ATF6: variants seen among roughly 807,000 people sequenced by gnomAD.
ATF6 encodes cyclic AMP-dependent transcription factor ATF-6 alpha.
ATF6 carries 53 observed loss-of-function variants against 83.6 expected under a neutral mutation model. The ratio of observed to expected loss-of-function variants is 0.63; its 90% CI spans 0.51 to 0.80. The LOEUF (loss-of-function observed/expected upper bound fraction) is 0.80, where lower values mean the gene tolerates loss of function less well. Ranked by LOEUF, ATF6 falls within the 30% of genes least tolerant of loss-of-function variation. The probability of loss-of-function intolerance (pLI) is 0.00; values close to 1 mark genes in which losing one functional copy is unlikely to be tolerated. For missense variants in ATF6, 744 were observed against 797.9 expected (o/e 0.93, Z 0.81); for synonymous variants, 288 against 285.8 (o/e 1.01, Z -0.08).
intron 4 of ATF6, among the ~76,000 whole-genome samples, chr1:161,791,106 C>CTG (rs565632055): frequency 0.28 from 33,592 of 120,422 alleles, 4,512 homozygotes; most frequent in Non-Finnish European, 0.35. Context: ...GTGTGTGTCT[C>CTG]TGTGTGTGTG....
chr1:161,866,106 A>T (rs1420968451), intron 14 of ATF6, among the ~76,000 whole-genome samples: 1 of 152,228 alleles, frequency 6.6e-6, no homozygotes, highest in African/African-American at 2.4e-5. Flanking sequence ...ATTATAATTG[A>T]TACTACATTG....
In ATF6 at chr1:161,831,300, T is replaced by C. The variant is rs546476759; in HGVS notation, c.1187+10139T>C. On this transcript the variant is annotated intron_variant, in intron 9 of 15. Transcript: ENST00000367942. The stretch of plus-strand genomic sequence containing the variant: ...CATTACAAAGTCAGGAAGCAACAGG[T>C]GCTGTAGAGGATGTGGAGAAATAGG... Among the ~76,000 whole-genome samples the C allele has an allele frequency of 4.6e-5, 7 of 152,118 alleles. No individual in the cohort carries two copies. The South Asian group carries it at 1.5e-3, about 32-fold the overall frequency.
intron 14 of ATF6, among the ~76,000 whole-genome samples, chr1:161,906,696 A>G (rs1358437872): frequency 6.6e-6 from 1 of 152,224 alleles, no homozygotes; most frequent in Non-Finnish European, 1.5e-5. Context: ...ACCTTGGCTC[A>G]TTCTTGGGCC....
Position 161,801,814 on chromosome 1 carries a change from T to C in ATF6, c.689-238T>C, listed in dbSNP as rs577753372. On this transcript the variant is annotated intron_variant, in intron 6 of 15. Transcript: ENST00000367942. The stretch of plus-strand genomic sequence containing the variant: ...TAGTTGAGAAAGATAAATAAGAAAG[T>C]ATATTAAAGTATATTGTTAATGATA... Among the ~76,000 whole-genome samples, 4 of 152,318 alleles carry C rather than the reference T, an allele frequency of 2.6e-5. No homozygotes were observed. In the South Asian group the frequency reaches 8.3e-4, roughly 32 times the overall value.
In ATF6 at chr1:161,827,859, A is replaced by G. The variant is rs563222459; in HGVS notation, c.1187+6698A>G. On this transcript the variant is annotated intron_variant, in intron 9 of 15. Transcript: ENST00000367942. ...AAAAAAAAATAAACTAAATGGACTT[A>G]TAAGGGTTAATTTTTCTGACCTTAT... Among the ~76,000 whole-genome samples the G allele has an allele frequency of 3.3e-5, 5 of 152,300 alleles. No individual in the cohort carries two copies. In the South Asian group the frequency reaches 1.0e-3, roughly 32 times the overall value.
rs150987171 is a variant in ATF6 at position 161,799,078 on chromosome 1, G to A, written c.689-2974G>A. ...TAAAGTAGAACTACCATTTGACCCA[G>A]CAGTCCCATTACTGGGTATATACCC... is the stretch of plus-strand genomic sequence containing the variant. On this transcript the variant is annotated intron_variant, in intron 6 of 15. Coordinates refer to ENST00000367942, the MANE Select transcript of ATF6 (RefSeq NM_007348.4). Among the ~76,000 whole-genome samples, 4 of 152,282 alleles carry A rather than the reference G, an allele frequency of 2.6e-5. 1 individual carries two copies. The East Asian group carries it at 7.7e-4, about 29-fold the overall frequency.
chr1:161,920,877 A>G (rs1404376181), intron 15 of ATF6, among the ~76,000 whole-genome samples: 1 of 152,200 alleles, frequency 6.6e-6, no homozygotes, highest in Non-Finnish European at 1.5e-5. Context: ...AACTGTGTCA[A>G]CTATTTAGGC....
chr1:161,857,194 CT>C (rs1028930393), intron 12 of ATF6, among the ~76,000 whole-genome samples: 7 of 152,060 alleles, frequency 4.6e-5, no homozygotes, highest in African/African-American at 1.7e-4. Context: ...TCATTTCAAC[CT>C]TTTTTTCTTC....
chr1:161,828,055 G>T (rs1417808174), intron 9 of ATF6, among the ~76,000 whole-genome samples: 3 of 151,952 alleles, frequency 2.0e-5, no homozygotes, highest in Non-Finnish European at 4.4e-5. Flanking sequence ...ACTCATTGGG[G>T]TTAATTCTAT....
At chr1:161,859,608 T>C (rs555624642) in intron 12 of ATF6, among the ~76,000 whole-genome samples, 1 of 152,322 alleles carries the variant, frequency 6.6e-6, no homozygotes, top group Admixed American at 6.5e-5. Context: ...AAAATCAGCT[T>C]ACATAACTAC....
intron 14 of ATF6, among the ~76,000 whole-genome samples, chr1:161,905,872 C>T (rs188133505): frequency 1.9e-4 from 29 of 152,078 alleles, no homozygotes; most frequent in African/African-American, 6.7e-4. Flanking sequence ...CGCCCTGTCG[C>T]CCAGGCTGGA....
intron 14 of ATF6, among the ~76,000 whole-genome samples, chr1:161,904,626 AACACAC>A (rs141394108): frequency 1.3e-4 from 20 of 149,880 alleles, no homozygotes; most frequent in Middle Eastern, 3.5e-3. Context: ...AAAAAAACAA[AACACAC>A]ACACACACAC....
chr1:161,821,293 C>A, intron 9 of ATF6, 132 bp downstream of exon 9: 2 of 562,756 alleles, frequency 3.6e-6, no homozygotes, highest in South Asian at 4.7e-5. Context: ...GAGACAGGAG[C>A]CATGCCTTCA....
intron 14 of ATF6, among the ~76,000 whole-genome samples, chr1:161,888,195 T>C (rs531607557): frequency 6.6e-6 from 1 of 152,296 alleles, no homozygotes; most frequent in African/African-American, 2.4e-5. Flanking sequence ...TCCATATAAA[T>C]GGCTGCATGA....
rs761462420 is a variant in ATF6, at chr1:161,807,865, C to CTTTTTTTTTTTTTTTTTTT, written c.909+5607_909+5625dup. 2.5e-4 allele frequency among the ~76,000 whole-genome samples: 8 copies of CTTTTTTTTTTTTTTTTTTT among 32,308 alleles called. 3 individuals carry two copies. Among genetic ancestry groups the CTTTTTTTTTTTTTTTTTTT allele is most frequent in the African/African-American group, 9.1e-4 (8 of 8,748 alleles). 21.2% of individuals were successfully genotyped at this position (32,308 alleles called of 152,430 possible). ...CTTTTTGTACTTTTTAGTTTGTCAT[C>CTTTTTTTTTTTTTTTTTTT]TTTTTTTTTTTTTTTTTTTTTTTTT... is the stretch of plus-strand genomic sequence containing the variant. On this transcript the variant is annotated intron_variant, in intron 7 of 15. Coordinates refer to ENST00000367942, the MANE Select transcript of ATF6 (RefSeq NM_007348.4).
intron 1 of ATF6, among the ~76,000 whole-genome samples, chr1:161,772,416 T>C (rs1439423182): frequency 1.3e-5 from 2 of 152,234 alleles, no homozygotes; most frequent in Non-Finnish European, 2.9e-5. Context: ...ATGATTGCTT[T>C]ATAAAGTTTC....
chr1:161,946,603 A>G (rs1304399526), intron 15 of ATF6, among the ~76,000 whole-genome samples: 7 of 152,226 alleles, frequency 4.6e-5, no homozygotes, highest in Admixed American at 4.6e-4. Flanking sequence ...TGTTGCATAC[A>G]TTCTGCAAAG....
In ATF6 at chr1:161,784,014, A is replaced by G; in HGVS notation, c.272A>G (p.Gln91Arg). ...CTVKDIKAEPQPLSPASSSYS... is the reference protein window; with the variant it reads ...CTVKDIKAEPRPLSPASSSYS... ...GTTAAAGATATTAAGGCAGAACCTCAGCCACTTTCTCCAGCCTCCTCAAGT... is the reference window on the plus strand; with the variant it reads ...GTTAAAGATATTAAGGCAGAACCTCGGCCACTTTCTCCAGCCTCCTCAAGT... Residue 91 changes from glutamine to arginine, a missense_variant, in exon 4 of 16, where the codon CAG (glutamine) becomes CGG (arginine). By Grantham distance (43) the Gln-to-Arg change is conservative. Transcript: ENST00000367942. 1.2e-6 allele frequency: 2 copies of G among 1,613,406 alleles called. No individual in the cohort carries two copies. Among genetic ancestry groups the G allele is most frequent in the South Asian group, 2.2e-5 (2 of 91,068 alleles).
chr1:161,856,355 A>G (rs1339461611), intron 12 of ATF6, among the ~76,000 whole-genome samples: 1 of 152,212 alleles, frequency 6.6e-6, no homozygotes, highest in African/African-American at 2.4e-5. Context: ...ACAGTCATTA[A>G]CAATGTCACA....
Sources: allele counts gnomAD v4.1 joint callset (sites outside exome capture counted in the v4.1 genomes callset), GRCh38; gene constraint gnomAD v4.1.1; transcripts MANE v1.5; gene names NCBI Gene and HGNC (gene_info 2026-07-23, HGNC 2026-07-21).